NRXN1: variants seen among roughly 807,000 people sequenced by gnomAD.
NRXN1 encodes the protein neurexin 1, also known as neurexin-1.
NRXN1 carries 39 observed loss-of-function variants against 150.9 expected under a neutral mutation model. The observed-to-expected ratio is 0.26, with a 90% confidence interval of 0.20 to 0.34. NRXN1 has a LOEUF of 0.34. Ranked by LOEUF, NRXN1 falls within the 10% of genes least tolerant of loss-of-function variation. The probability of loss-of-function intolerance (pLI) is 1.00; values close to 1 mark genes in which losing one functional copy is unlikely to be tolerated. For synonymous variants in NRXN1, 924 were observed against 757.0 expected, an observed-to-expected ratio of 1.22 and a Z score of -3.62; for missense variants, 1,815 against 1,949.9, an observed-to-expected ratio of 0.93 and a Z score of 1.30.
At chr2:50,458,967 AT>A (rs1299310168) in intron 17 of NRXN1, among the ~76,000 whole-genome samples, 1 of 152,150 alleles carries the variant, frequency 6.6e-6, no homozygotes, top group Non-Finnish European at 1.5e-5. Context: ...GGTAAAGCTT[AT>A]AAAATTTAAA....
At chr2:50,592,490 G>C (rs539169903) in intron 8 of NRXN1, among the ~76,000 whole-genome samples, 75 of 152,324 alleles carry the variant, frequency 4.9e-4, no homozygotes, top group African/African-American at 1.7e-3. Context: ...AGAAACAGAA[G>C]TTCACAAAAC....
chr2:50,290,885 G>T (rs1395068723), intron 17 of NRXN1, among the ~76,000 whole-genome samples: 1 of 152,114 alleles, frequency 6.6e-6, no homozygotes, highest in Non-Finnish European at 1.5e-5. Context: ...TGAATAATGA[G>T]AGCTTTCGTC....
intron 17 of NRXN1, among the ~76,000 whole-genome samples, chr2:50,430,029 C>T (rs1436657985): frequency 6.6e-6 from 1 of 152,094 alleles, no homozygotes; most frequent in African/African-American, 2.4e-5. Context: ...ACACATTTAA[C>T]CTACCTGACT....
chr2:50,419,429 G>C (rs1402327995), intron 17 of NRXN1, among the ~76,000 whole-genome samples: 1 of 151,980 alleles, frequency 6.6e-6, no homozygotes, highest in Non-Finnish European at 1.5e-5. Flanking sequence ...ATTCATTCTA[G>C]CCCAATATTA....
intron 15 of NRXN1, among the ~76,000 whole-genome samples, chr2:50,486,897 C>G (rs1045696524): frequency 1.3e-5 from 2 of 152,136 alleles, no homozygotes; most frequent in Non-Finnish European, 2.9e-5. Flanking sequence ...AAAGAATACA[C>G]TGGCAAACCT....
intron 10 of NRXN1, 113 bp downstream of exon 10, chr2:50,538,140 A>G: frequency 8.3e-7 from 1 of 1,202,078 alleles, no homozygotes; most frequent in Non-Finnish European, 1.1e-6. Flanking sequence ...TTGCAAACAG[A>G]GTTTACTTCA....
chr2:50,820,584 A>G (rs1195163049), intron 5 of NRXN1, among the ~76,000 whole-genome samples: 1 of 152,156 alleles, frequency 6.6e-6, no homozygotes, highest in East Asian at 1.9e-4. Flanking sequence ...GTGTGCTGCA[A>G]TGTTTCCAAC....
intron 5 of NRXN1, among the ~76,000 whole-genome samples, chr2:50,641,101 C>T (rs151221434): frequency 6.6e-6 from 1 of 152,204 alleles, no homozygotes; most frequent in African/African-American, 2.4e-5. Context: ...TTTTAAACGT[C>T]TAAGCTGCTT....
intron 5 of NRXN1, among the ~76,000 whole-genome samples, chr2:50,806,815 A>G (rs1273801163): frequency 6.6e-6 from 1 of 152,156 alleles, no homozygotes; most frequent in African/African-American, 2.4e-5. Context: ...TATACTCAGA[A>G]ATACATAATT....
intron 17 of NRXN1, among the ~76,000 whole-genome samples, chr2:50,257,361 A>G (rs2067802859): frequency 6.6e-6 from 1 of 152,108 alleles, no homozygotes; most frequent in South Asian, 2.1e-4. Context: ...AACACAGTAA[A>G]GGATATTGCT....
chr2:50,298,847 T>C (rs1312627281), intron 17 of NRXN1, among the ~76,000 whole-genome samples: 1 of 152,190 alleles, frequency 6.6e-6, no homozygotes, highest in African/African-American at 2.4e-5. Flanking sequence ...TTATGATTAA[T>C]AGGTGTCTCT....
chr2:50,531,608 G>A (rs1396086921), intron 10 of NRXN1, among the ~76,000 whole-genome samples, 178 bp from the exon 11 acceptor site: 1 of 152,152 alleles, frequency 6.6e-6, no homozygotes, highest in Non-Finnish European at 1.5e-5. Flanking sequence ...AGTCACAGTA[G>A]AGGACTTCCC....
chr2:50,284,711 G>A (rs113047512), intron 17 of NRXN1, among the ~76,000 whole-genome samples: 10,384 of 152,096 alleles, frequency 0.068, 473 homozygotes, highest in Middle Eastern at 0.13. Context: ...GCAAGAGATT[G>A]TTCTTGATAT....
At chr2:50,588,408 T>A (rs974716786) in intron 8 of NRXN1, among the ~76,000 whole-genome samples, 10 of 152,098 alleles carry the variant, frequency 6.6e-5, no homozygotes, top group African/African-American at 2.4e-4. Flanking sequence ...ATCATATATT[T>A]TAATGGGAAG....
At position 49,987,073 on chromosome 2, in the gene NRXN1, T is replaced by C. The variant is rs1298004266; in HGVS notation, c.4129-43282A>G. ...AAAAAAGAAAATATACATTAAATTATTATTAACCATATTTACCCTGCAGTA... is the reference window on the plus strand; with the variant it reads ...AAAAAAGAAAATATACATTAAATTACTATTAACCATATTTACCCTGCAGTA... On this transcript the variant is annotated intron_variant, in intron 21 of 22. Coordinates refer to ENST00000401669, the MANE Select transcript of NRXN1 (RefSeq NM_001330078.2). Among the ~76,000 whole-genome samples, 6 of 152,130 alleles carry C rather than the reference T, an allele frequency of 3.9e-5. No individual in the cohort carries two copies. In the East Asian group the frequency reaches 1.2e-3, roughly 29 times the overall value.
intron 5 of NRXN1, among the ~76,000 whole-genome samples, chr2:50,693,310 G>A (rs1032989974): frequency 6.6e-6 from 1 of 152,156 alleles, no homozygotes; most frequent in Non-Finnish European, 1.5e-5. Flanking sequence ...ACTATAGGAG[G>A]TAGACTGAGG....
chr2:50,164,320 G>A (rs1002604541), intron 18 of NRXN1, among the ~76,000 whole-genome samples: 11 of 152,112 alleles, frequency 7.2e-5, no homozygotes, highest in African/African-American at 2.7e-4. Context: ...ACAACCTGGA[G>A]GAATTTATTC....
rs1558833727 is a variant in NRXN1 at position 50,497,497 on chromosome 2, A to T, written c.2715T>A (p.Asp905Glu). 2 of 1,613,918 alleles carry T rather than the reference A, an allele frequency of 1.2e-6. No homozygotes were observed. Among genetic ancestry groups the T allele is most frequent in the South Asian group, 1.1e-5 (1 of 91,080 alleles). The change falls in exon 14 of 23, where the codon GAT becomes GAA. Residue 905 changes from aspartate (D) to glutamate (E), a missense_variant. Physicochemically the swap from Asp to Glu is conservative, Grantham distance 45. This residue lies in a region of NRXN1 where 339 missense variants were observed against 440.3 expected (regional missense o/e 0.77). Transcript: ENST00000401669. The stretch of plus-strand genomic sequence containing the variant: ...TCGATTTGGTCTTGAAGGTGACAGG[A>T]TCTGCTATGATGTTCCTGAAGCCAA... ...ARFGFRNIIA[D>E]PVTFKTKSSY...
At chr2:50,999,813 A>T (rs1382642419) in intron 2 of NRXN1, among the ~76,000 whole-genome samples, 2 of 151,924 alleles carry the variant, frequency 1.3e-5, no homozygotes, top group Non-Finnish European at 2.9e-5. Flanking sequence ...AACATTAACC[A>T]GTTTTCCCAT....
Sources: allele counts gnomAD v4.1 joint callset (sites outside exome capture counted in the v4.1 genomes callset), GRCh38; gene constraint gnomAD v4.1.1; regional missense constraint gnomAD v4.1.1; transcripts MANE v1.5; gene names NCBI Gene and HGNC (gene_info 2026-07-23, HGNC 2026-07-21).